The following GRM7 variants were observed in gnomAD, a reference collection of about 807,000 sequenced individuals.
GRM7 encodes the protein metabotropic glutamate receptor 7.
GRM7 carries 35 observed loss-of-function variants against 84.5 expected under a neutral mutation model. The ratio of observed to expected loss-of-function variants is 0.41; its 90% CI spans 0.32 to 0.55. The LOEUF is 0.55. Among genes scored for constraint, GRM7 ranks in the 20% least tolerant of loss-of-function variants. The pLI is 0.19. For missense variants in GRM7, 1,003 were observed against 1,194.6 expected, an observed-to-expected ratio of 0.84 and a Z score of 2.36; for synonymous variants, 487 against 455.1, an observed-to-expected ratio of 1.07 and a Z score of -0.89.
At chr3:7,684,261 G>GTTT (rs1298629836) in intron 9 of GRM7, among the ~76,000 whole-genome samples, 1 of 152,150 alleles carries the variant, frequency 6.6e-6, no homozygotes. Flanking sequence ...TAAGCTGACT[G>GTTT]GTTAAAAACA....
intron 1 of GRM7, among the ~76,000 whole-genome samples, chr3:6,905,914 T>C (rs76386630): frequency 0.077 from 11,726 of 152,292 alleles, 515 homozygotes; most frequent in Middle Eastern, 0.13. Context: ...TAGTCATGAT[T>C]TTCTGATATT....
At chr3:7,515,322 A>C (rs1700337841) in intron 7 of GRM7, among the ~76,000 whole-genome samples, 1 of 151,970 alleles carries the variant, frequency 6.6e-6, no homozygotes, top group Non-Finnish European at 1.5e-5. Context: ...AGGAAGGGAG[A>C]CAGGTGCCCC....
At chr3:7,737,004 C>T (rs1702524398) in intron 9 of GRM7, among the ~76,000 whole-genome samples, 1 of 152,108 alleles carries the variant, frequency 6.6e-6, no homozygotes, top group Non-Finnish European at 1.5e-5. Context: ...TGTTTCTCAA[C>T]ATAATATCTA....
chr3:6,907,609 G>A (rs1462830449), intron 1 of GRM7, among the ~76,000 whole-genome samples: 2 of 152,152 alleles, frequency 1.3e-5, no homozygotes, highest in Non-Finnish European at 2.9e-5. Context: ...ATTACACAAT[G>A]CTACTTTCCC....
intron 2 of GRM7, among the ~76,000 whole-genome samples, chr3:7,216,359 T>A (rs909313558): frequency 6.6e-6 from 1 of 152,222 alleles, no homozygotes; most frequent in African/African-American, 2.4e-5. Context: ...GGCAAGTATA[T>A]GTACCTATAT....
chr3:7,416,483 AT>A (rs1298804375), intron 5 of GRM7, among the ~76,000 whole-genome samples: 1 of 152,130 alleles, frequency 6.6e-6, no homozygotes, highest in East Asian at 1.9e-4. Context: ...CATGTTGTAG[AT>A]TAATCCACTC....
At chr3:7,381,966 A>G (rs1171926685) in intron 4 of GRM7, among the ~76,000 whole-genome samples, 1 of 152,174 alleles carries the variant, frequency 6.6e-6, no homozygotes, top group Non-Finnish European at 1.5e-5. Flanking sequence ...ATGATGACCC[A>G]TGGGTTACAT....
chr3:7,092,132 C>T (rs544577203), intron 1 of GRM7, among the ~76,000 whole-genome samples: 4 of 152,180 alleles, frequency 2.6e-5, no homozygotes, highest in African/African-American at 7.2e-5. Context: ...CCTCAACCTC[C>T]GGAGAAGCTG....
Position 6,870,042 on chromosome 3 carries a change from C to T in GRM7, c.519+8135C>T, listed in dbSNP as rs138694012. On this transcript the variant is annotated intron_variant, in intron 1 of 9. Transcript: ENST00000357716. ...TCTTTTTTTTTTCTTTTTGCTTCTC[C>T]CTCTCTTCTCTCCCTTCTCCACTCT... is the stretch of plus-strand genomic sequence containing the variant. Among the ~76,000 whole-genome samples the T allele has an allele frequency of 5.6e-3, 852 of 151,736 alleles. 30 individuals carry two copies. The highest frequency in any genetic ancestry group is 0.041 in the Admixed American group (619 of 15,240).
chr3:7,112,849 G>A (rs1692906008), intron 1 of GRM7, among the ~76,000 whole-genome samples: 1 of 152,148 alleles, frequency 6.6e-6, no homozygotes, highest in Admixed American at 6.6e-5. Context: ...TTCAGCAGGT[G>A]TATTGGCCAC....
At chr3:7,109,824 C>G (rs779465293) in intron 1 of GRM7, among the ~76,000 whole-genome samples, 1 of 152,082 alleles carries the variant, frequency 6.6e-6, no homozygotes, top group African/African-American at 2.4e-5. Flanking sequence ...GTAATTATTA[C>G]AATTTCTCCA....
At position 6,861,162 on chromosome 3, in the gene GRM7, C is replaced by T; in HGVS notation, c.-227C>T. The stretch of plus-strand genomic sequence containing the variant: ...CGAGCAGCAAGCCGGTGAGCGCGAG[C>T]GCGGCGCGCCGGCCGGCTAACCCGA... On this transcript the variant is annotated 5_prime_UTR_variant, in exon 1 of 10. Transcript: ENST00000357716. This position sits in a 1 kb window ranked among gnomAD's most constrained non-coding sequence, Gnocchi z 6.4. 4.6e-6 allele frequency: 2 copies of T among 435,956 alleles called. No homozygotes were observed. The highest frequency in any genetic ancestry group is 1.2e-3 in the Middle Eastern group (2 of 1,730). 27.0% of individuals were successfully genotyped at this position (435,956 alleles called of 1,614,324 possible).
chr3:7,670,858 T>C (rs746304238), intron 8 of GRM7, among the ~76,000 whole-genome samples: 5 of 152,288 alleles, frequency 3.3e-5, no homozygotes, highest in African/African-American at 9.6e-5. Flanking sequence ...ACAAAAAGGC[T>C]AGTAGTTCCG....
intron 1 of GRM7, among the ~76,000 whole-genome samples, chr3:7,059,535 C>T (rs1452980243): frequency 2.0e-5 from 3 of 151,804 alleles, no homozygotes; most frequent in Non-Finnish European, 4.4e-5. Flanking sequence ...AAGAAAATTG[C>T]TAGAGATCTT....
intron 8 of GRM7, among the ~76,000 whole-genome samples, chr3:7,587,198 C>T (rs1695559079): frequency 1.3e-5 from 2 of 152,234 alleles, no homozygotes; most frequent in Non-Finnish European, 2.9e-5. Flanking sequence ...TTTCTCCCCT[C>T]TTCCTCTTTT....
chr3:7,412,013 C>A (rs930243491), intron 4 of GRM7, among the ~76,000 whole-genome samples: 2 of 151,048 alleles, frequency 1.3e-5, no homozygotes, highest in Non-Finnish European at 2.9e-5. Context: ...TCCCTTTTCT[C>A]TTTTTGCTCT....
intron 2 of GRM7, among the ~76,000 whole-genome samples, chr3:7,296,124 C>T (rs1699806506): frequency 6.6e-6 from 1 of 151,682 alleles, no homozygotes; most frequent in South Asian, 2.1e-4. Flanking sequence ...TTGTTAAGTA[C>T]TTTCTCTGCA....
At chr3:7,552,095 C>T (rs1693505305) in intron 7 of GRM7, among the ~76,000 whole-genome samples, 1 of 152,208 alleles carries the variant, frequency 6.6e-6, no homozygotes, top group African/African-American at 2.4e-5. Context: ...TCCACCTGAT[C>T]TCTCCCTTGA....
At chr3:6,923,166 C>G (rs1575018861) in intron 1 of GRM7, among the ~76,000 whole-genome samples, 1 of 152,104 alleles carries the variant, frequency 6.6e-6, no homozygotes, top group Non-Finnish European at 1.5e-5. Context: ...TGGTGTGTGT[C>G]ATCATGCCTG....
Sources: gnomAD v4.1 joint callset for allele counts (sites outside exome capture counted in the v4.1 genomes callset) on GRCh38, gnomAD v4.1.1 for gene constraint, Gnocchi (gnomAD v3.1) non-coding constraint, MANE v1.5 for transcripts, NCBI Gene and HGNC (gene_info 2026-07-23, HGNC 2026-07-21) for gene names.